Variants in CALN1 observed in about 807,000 individuals in gnomAD.
The protein encoded by CALN1 is calcium-binding protein 8.
CALN1 carries 17 observed loss-of-function variants against 30.6 expected under a neutral mutation model. The ratio of observed to expected loss-of-function variants is 0.56; its 90% CI spans 0.38 to 0.83. CALN1 has a LOEUF of 0.83. CALN1 is among the 40% of genes least tolerant of loss of function. The pLI, the probability that CALN1 is intolerant of heterozygous loss-of-function variation, is 0.00. For synonymous variants in CALN1, 156 were observed against 131.4 expected, an observed-to-expected ratio of 1.19 and a Z score of -1.28; for missense variants, 291 against 354.9, an observed-to-expected ratio of 0.82 and a Z score of 1.45.
intron 4 of CALN1, among the ~76,000 whole-genome samples, chr7:72,035,840 T>C (rs1396623238): frequency 6.6e-6 from 1 of 152,208 alleles, no homozygotes; most frequent in Non-Finnish European, 1.5e-5. Flanking sequence ...CGCATTAATG[T>C]CTTAAATTAT....
At chr7:72,229,022 C>T (rs1793891694) in intron 3 of CALN1, among the ~76,000 whole-genome samples, 1 of 151,206 alleles carries the variant, frequency 6.6e-6, no homozygotes, top group Non-Finnish European at 1.5e-5. Flanking sequence ...AAGTGATCCT[C>T]CTGAAGTGCT....
the CALN1 span, among the ~76,000 whole-genome samples, chr7:72,493,617 G>C: frequency 6.6e-6 from 1 of 152,102 alleles, no homozygotes; most frequent in African/African-American, 2.4e-5. Flanking sequence ...GGGATTACAG[G>C]CATGAGCCAC....
Position 72,411,326 on chromosome 7 carries a change from A to T in CALN1, c.-74+732T>A, listed in dbSNP as rs1002007325. On this transcript the variant is annotated intron_variant, in intron 1 of 6. Coordinates refer to ENST00000395275, the MANE Select transcript of CALN1 (RefSeq NM_031468.4). ...GACTGAGCTTTCCACGTGAGACCTA[A>T]GTCTCAGGACAAAAAGAACCACAAA... is the stretch of plus-strand genomic sequence containing the variant. Among the ~76,000 whole-genome samples, 6 of 152,170 alleles carry T rather than the reference A, an allele frequency of 3.9e-5. No individual in the cohort carries two copies. In the South Asian group the frequency reaches 8.3e-4, roughly 21 times the overall value.
chr7:72,366,172 AT>A (rs969887750), intron 2 of CALN1, among the ~76,000 whole-genome samples: 9 of 151,264 alleles, frequency 5.9e-5, no homozygotes, highest in African/African-American at 2.2e-4. Context: ...TTAATTTTTT[AT>A]TTTATTTTAT....
chr7:72,392,866 G>A (rs888670829), intron 2 of CALN1, among the ~76,000 whole-genome samples: 1 of 151,970 alleles, frequency 6.6e-6, no homozygotes, highest in Admixed American at 6.6e-5. Context: ...AGACATGTTG[G>A]CATGTACCTG....
intron 5 of CALN1, among the ~76,000 whole-genome samples, chr7:71,920,689 G>A (rs1392050345): frequency 1.3e-5 from 2 of 152,080 alleles, no homozygotes; most frequent in Admixed American, 6.6e-5. Flanking sequence ...GGCATAATAT[G>A]TACTTTCTCC....
intron 3 of CALN1, among the ~76,000 whole-genome samples, chr7:72,187,673 A>G (rs1053180259): frequency 2.6e-5 from 4 of 152,160 alleles, no homozygotes; most frequent in African/African-American, 7.2e-5. Flanking sequence ...AGGGTTGGAG[A>G]CTGCTGGTCT....
intron 3 of CALN1, among the ~76,000 whole-genome samples, chr7:72,247,309 C>T (rs1274235085): frequency 1.6e-5 from 2 of 126,098 alleles, no homozygotes; most frequent in African/African-American, 6.2e-5. Flanking sequence ...AGTGCAGTGG[C>T]GCGACGTTGG....
At chr7:71,996,780 TA>T (rs1799274478) in intron 5 of CALN1, among the ~76,000 whole-genome samples, 1 of 151,900 alleles carries the variant, frequency 6.6e-6, no homozygotes, top group African/African-American at 2.4e-5. Flanking sequence ...TAAAATAAAA[TA>T]AAATTAAATT....
intron 3 of CALN1, among the ~76,000 whole-genome samples, chr7:72,158,893 T>A (rs1787906820): frequency 6.6e-6 from 1 of 152,220 alleles, no homozygotes; most frequent in Non-Finnish European, 1.5e-5. Context: ...AGTCTCGCTC[T>A]GTCGCCCAGA....
At chr7:72,176,677 T>C (rs1337496706) in intron 3 of CALN1, among the ~76,000 whole-genome samples, 1 of 152,158 alleles carries the variant, frequency 6.6e-6, no homozygotes, top group Admixed American at 6.6e-5. Flanking sequence ...TAAACTTCTT[T>C]ATAAATTACC....
At chr7:72,372,739 G>A (rs1804318989) in intron 2 of CALN1, among the ~76,000 whole-genome samples, 1 of 152,132 alleles carries the variant, frequency 6.6e-6, no homozygotes, top group South Asian at 2.1e-4. Flanking sequence ...AGAACTTGAG[G>A]CCTGGATCCA....
chr7:72,030,841 G>A (rs552841969), intron 4 of CALN1, among the ~76,000 whole-genome samples: 30 of 151,526 alleles, frequency 2.0e-4, no homozygotes, highest in African/African-American at 6.8e-4. Flanking sequence ...CAAACTCCTC[G>A]GCTGAAGGGA....
At chr7:72,002,583 C>T (rs762880748) in intron 5 of CALN1, among the ~76,000 whole-genome samples, 8 of 152,038 alleles carry the variant, frequency 5.3e-5, no homozygotes, top group Admixed American at 1.3e-4. Flanking sequence ...AAAAGGTATA[C>T]AGATTGGAAA....
chr7:72,194,017 G>A (rs983617477), intron 3 of CALN1, among the ~76,000 whole-genome samples: 2 of 152,184 alleles, frequency 1.3e-5, no homozygotes, highest in African/African-American at 4.8e-5. Context: ...CACTGCTCAG[G>A]TGATGGGTGC....
intron 2 of CALN1, among the ~76,000 whole-genome samples, chr7:72,310,155 C>T (rs542900093): frequency 1.4e-4 from 21 of 151,928 alleles, no homozygotes; most frequent in African/African-American, 5.1e-4. Context: ...GAGAGGCAGC[C>T]TAGTAGATTG....
intron 2 of CALN1, among the ~76,000 whole-genome samples, chr7:72,365,562 T>C (rs1803828314): frequency 6.6e-6 from 1 of 152,026 alleles, no homozygotes; most frequent in African/African-American, 2.4e-5. Flanking sequence ...CCTATGTAGC[T>C]GGGACTATAG....
At chr7:72,412,024 T>A (rs1366025523) in intron 1 of CALN1, 34 bp downstream of exon 1, 1 of 152,218 alleles carries the variant, frequency 6.6e-6, no homozygotes, top group Non-Finnish European at 1.5e-5. Flanking sequence ...TGCATGCAGC[T>A]GAGCCCACCA....
chr7:72,105,122 T>C (rs887372034), intron 4 of CALN1, among the ~76,000 whole-genome samples: 1 of 151,856 alleles, frequency 6.6e-6, no homozygotes, highest in Non-Finnish European at 1.5e-5. Context: ...CTAAAATCCA[T>C]TGTGGCGCTG....
Sources: allele counts gnomAD v4.1 joint callset (sites outside exome capture counted in the v4.1 genomes callset), GRCh38; gene constraint gnomAD v4.1.1; transcripts MANE v1.5; gene names NCBI Gene and HGNC (gene_info 2026-07-23, HGNC 2026-07-21).